CADPS2: variants seen among roughly 807,000 people sequenced by gnomAD.
CADPS2 encodes calcium dependent secretion activator 2.
CADPS2 carries 93 observed loss-of-function variants against 172.5 expected under a neutral mutation model. That is an observed-to-expected ratio of 0.54 (90% confidence interval 0.46 to 0.64). The LOEUF is 0.64. Ranked by LOEUF, CADPS2 falls within the 30% of genes least tolerant of loss-of-function variation. CADPS2 has a pLI of 0.00. For synonymous variants in CADPS2, 546 were observed against 555.2 expected (o/e 0.98, Z 0.23); for missense variants, 1,420 against 1,565.9 (o/e 0.91, Z 1.57).
chr7:122,575,329 T>G (rs1375791439), intron 7 of CADPS2, among the ~76,000 whole-genome samples: 1 of 152,064 alleles, frequency 6.6e-6, no homozygotes, highest in Non-Finnish European at 1.5e-5. Context: ...CTCTGAATAT[T>G]GACTGCATAG....
chr7:122,676,477 T>G (rs572654802), intron 2 of CADPS2: 1 of 391,842 alleles, frequency 2.6e-6, no homozygotes, highest in Non-Finnish European at 4.5e-6. Context: ...GAGGACATTT[T>G]ATATACCAGG....
chr7:122,766,630 G>A (rs1392730169), intron 1 of CADPS2, among the ~76,000 whole-genome samples: 2 of 152,042 alleles, frequency 1.3e-5, no homozygotes, highest in Non-Finnish European at 2.9e-5. Flanking sequence ...ATTTTGAAAC[G>A]CCATCTTGCT....
chr7:122,460,024 A>C (rs1415916227), intron 14 of CADPS2, among the ~76,000 whole-genome samples: 1 of 152,180 alleles, frequency 6.6e-6, no homozygotes, highest in African/African-American at 2.4e-5. Context: ...GCAGTCATTT[A>C]GGTGAAACCT....
chr7:122,513,204 AAC>A (rs1213086829), intron 9 of CADPS2, 43 bp downstream of exon 9: 5 of 1,331,884 alleles, frequency 3.8e-6, no homozygotes, highest in Non-Finnish European at 5.2e-6. Context: ...AAATTTTGAG[AAC>A]TGCTATCTTA....
chr7:122,736,976 G>A lies in CADPS2; in HGVS notation c.432C>T (p.Asn144=), dbSNP rs779114368. Residue 144 remains asparagine (N), a synonymous_variant, in exon 2 of 30, where the codon AAC becomes AAT. Transcript: ENST00000449022. ...TQIVADEAFC[N]AVRSYYEVFL... Reference sequence around the variant, plus strand: ...TTACCTCATAATAACTCCGAACTGCGTTGCAAAATGCTTCGTCAGCTACAA... The same window carrying A: ...TTACCTCATAATAACTCCGAACTGCATTGCAAAATGCTTCGTCAGCTACAA... 5.0e-6 allele frequency: 8 copies of A among 1,608,558 alleles called. No individual in the cohort carries two copies. Among genetic ancestry groups the A allele is most frequent in the South Asian group, 2.2e-5 (2 of 90,940 alleles).
chr7:122,703,386 C>A (rs931686574), intron 2 of CADPS2, among the ~76,000 whole-genome samples: 1 of 152,064 alleles, frequency 6.6e-6, no homozygotes. Context: ...TGGTTCAACA[C>A]TACCCAGTAT....
rs373127517 is a variant in CADPS2, at chr7:122,541,857, TTA to T, written c.1475+12691_1475+12692del. On this transcript the variant is annotated intron_variant, in intron 8 of 29. Transcript: ENST00000449022. ...CATATGTTTATATATTCATATATATTTATATATATGCATATATATTTATATAT... is the reference window on the plus strand; with the variant it reads ...CATATGTTTATATATTCATATATATTTATATATGCATATATATTTATATAT... Among the ~76,000 whole-genome samples the T allele has an allele frequency of 4.3e-3, 342 of 79,018 alleles. 6 individuals are homozygous for T. The highest frequency in any genetic ancestry group is 6.5e-3 in the African/African-American group (186 of 28,424). 51.8% of individuals were successfully genotyped at this position (79,018 alleles called of 152,430 possible). A position where few individuals can be genotyped will look rare whatever the true frequency, so the allele number is the denominator to read the frequency against.
At chr7:122,381,717 T>A (rs2151379654) in intron 24 of CADPS2, among the ~76,000 whole-genome samples, 1 of 151,842 alleles carries the variant, frequency 6.6e-6, no homozygotes, top group Middle Eastern at 3.4e-3. Flanking sequence ...TGATACCTGA[T>A]CTAGCCATAA....
At chr7:122,392,419 T>A (rs2044495759) in intron 22 of CADPS2, among the ~76,000 whole-genome samples, 1 of 151,800 alleles carries the variant, frequency 6.6e-6, no homozygotes, top group African/African-American at 2.4e-5. Context: ...CACAAAAACA[T>A]CTTTCATTTA....
At chr7:122,657,049 C>T (rs1483976649) in intron 3 of CADPS2, among the ~76,000 whole-genome samples, 1 of 152,140 alleles carries the variant, frequency 6.6e-6, no homozygotes, top group African/African-American at 2.4e-5. Context: ...TTCCCAGCAC[C>T]ATTTATTAAA....
At chr7:122,855,033 C>T (rs1814781014) in intron 1 of CADPS2, among the ~76,000 whole-genome samples, 1 of 152,044 alleles carries the variant, frequency 6.6e-6, no homozygotes, top group Admixed American at 6.6e-5. Flanking sequence ...AGCCTTTCTC[C>T]CTGGAGAGGA....
At chr7:122,763,360 T>C (rs145572891) in intron 1 of CADPS2, among the ~76,000 whole-genome samples, 95 of 152,250 alleles carry the variant, frequency 6.2e-4, no homozygotes, top group Non-Finnish European at 1.1e-3. Context: ...TGCTGAATCC[T>C]ACTCCACGAC....
chr7:122,853,873 C>T (rs1814413894), intron 1 of CADPS2, among the ~76,000 whole-genome samples: 1 of 152,150 alleles, frequency 6.6e-6, no homozygotes, highest in African/African-American at 2.4e-5. Flanking sequence ...CATGCCAAAG[C>T]TTCAGCGCTT....
rs1327542803 is a variant in CADPS2, at chr7:122,513,263, A to G, written c.1528T>C (p.Phe510Leu). 1 of 1,561,172 alleles carries G rather than the reference A, an allele frequency of 6.4e-7. No individual in the cohort carries two copies. ...AAATGACTAACCTGAACTAGAACAA[A>G]GTAACGTTTTTTCCATCTTTTCCAA... is the stretch of plus-strand genomic sequence containing the variant. ...KVWKRWKKRY[F>L]VLVQVSQYTF... Residue 510 changes from phenylalanine to leucine, a missense_variant, in exon 9 of 30, where the codon TTT becomes CTT. Coordinates refer to ENST00000449022, the MANE Select transcript of CADPS2 (RefSeq NM_017954.11).
At chr7:122,789,822 C>A (rs1296300103) in intron 1 of CADPS2, among the ~76,000 whole-genome samples, 1 of 152,058 alleles carries the variant, frequency 6.6e-6, no homozygotes, top group Non-Finnish European at 1.5e-5. Context: ...TGGAAAAAAT[C>A]TGCCATTCTG....
chr7:122,358,952 G>A (rs1296342974), intron 27 of CADPS2, among the ~76,000 whole-genome samples: 1 of 152,096 alleles, frequency 6.6e-6, no homozygotes, highest in African/African-American at 2.4e-5. Context: ...GGATATGATT[G>A]CCATAGAAGT....
At chr7:122,702,205 C>G (rs1433378888) in intron 2 of CADPS2, 1 of 1,613,796 alleles carries the variant, frequency 6.2e-7, no homozygotes, top group Non-Finnish European at 8.5e-7. Context: ...ACTGCATGTG[C>G]ATTCTCCCCA....
At chr7:122,588,273 T>A (rs551736266) in intron 6 of CADPS2, among the ~76,000 whole-genome samples, 3 of 151,824 alleles carry the variant, frequency 2.0e-5, no homozygotes. Flanking sequence ...AATTTTATCA[T>A]GAAATCTTTG....
intron 7 of CADPS2, among the ~76,000 whole-genome samples, chr7:122,559,089 T>A (rs1472692993): frequency 6.6e-6 from 1 of 152,178 alleles, no homozygotes; most frequent in Non-Finnish European, 1.5e-5. Flanking sequence ...GGTACAATTC[T>A]AGCTCAAAGA....
Sources: allele counts gnomAD v4.1 joint callset (sites outside exome capture counted in the v4.1 genomes callset), GRCh38; gene constraint gnomAD v4.1.1; transcripts MANE v1.5; gene names NCBI Gene and HGNC (gene_info 2026-07-23, HGNC 2026-07-21).